The following ZNF804B variants were observed in gnomAD, a reference collection of about 807,000 sequenced individuals.
The protein encoded by ZNF804B is zinc finger 804B.
Under a neutral mutation model 101.4 loss-of-function variants are expected in ZNF804B, and 80 were observed. The ratio of observed to expected loss-of-function variants is 0.79; its 90% CI spans 0.66 to 0.95. The LOEUF (loss-of-function observed/expected upper bound fraction) is 0.95, where lower values mean the gene tolerates loss of function less well. Ranked by LOEUF, ZNF804B falls within the 40% of genes least tolerant of loss-of-function variation. The pLI, the probability that ZNF804B is intolerant of heterozygous loss-of-function variation, is 0.00. For missense variants in ZNF804B, 1,673 were observed against 1,561.9 expected (o/e 1.07, Z -1.20); for synonymous variants, 622 against 558.8 (o/e 1.11, Z -1.59).
At chr7:88,929,177 T>G (rs1184034401) in intron 1 of ZNF804B, among the ~76,000 whole-genome samples, 1 of 151,878 alleles carries the variant, frequency 6.6e-6, no homozygotes, top group Non-Finnish European at 1.5e-5. Flanking sequence ...CCTGTGGCCA[T>G]CAATAGAAAT....
rs146377289 is a variant in ZNF804B, at chr7:89,303,091, G to A, written c.250-24253G>A. The stretch of plus-strand genomic sequence containing the variant: ...ATCAAAACTGGCTTTACATATGAGT[G>A]TGTCTCATACATTTGGAAAAAGCCA... On this transcript the variant is annotated intron_variant, in intron 2 of 3. Coordinates refer to ENST00000333190, the MANE Select transcript of ZNF804B (RefSeq NM_181646.5). Among the ~76,000 whole-genome samples the A allele has an allele frequency of 3.7e-4, 56 of 151,946 alleles. 1 individual carries two copies. The East Asian group carries it at 0.01, about 28-fold the overall frequency.
chr7:89,233,227 A>C (rs1789226681), intron 2 of ZNF804B, among the ~76,000 whole-genome samples: 1 of 152,082 alleles, frequency 6.6e-6, no homozygotes, highest in Admixed American at 6.5e-5. Flanking sequence ...TGCCTGGCCA[A>C]TTTATTCTTT....
chr7:88,878,979 TCAGCGTCACAGACCACTCTGC>T (rs1051028457), intron 1 of ZNF804B, among the ~76,000 whole-genome samples: 3 of 152,144 alleles, frequency 2.0e-5, no homozygotes, highest in African/African-American at 7.2e-5. Context: ...CTTCAGTACA[TCAGCGTCACAGACCACTCTGC>T]CAGGCAATAT....
At chr7:88,929,916 G>A (rs753251759) in intron 1 of ZNF804B, among the ~76,000 whole-genome samples, 6 of 151,748 alleles carry the variant, frequency 4.0e-5, no homozygotes, top group African/African-American at 1.4e-4. Context: ...AGTTTTTAAC[G>A]ACTAAGCATT....
intron 1 of ZNF804B, among the ~76,000 whole-genome samples, chr7:88,771,853 G>A (rs1237878832): frequency 6.6e-6 from 1 of 152,056 alleles, no homozygotes; most frequent in South Asian, 2.1e-4. Flanking sequence ...TACTTGAGAG[G>A]AGATATGAAT....
chr7:88,771,102 G>A (rs1055507061), intron 1 of ZNF804B, among the ~76,000 whole-genome samples: 7 of 151,936 alleles, frequency 4.6e-5, no homozygotes, highest in Admixed American at 1.3e-4. Context: ...ATGTTTCCCT[G>A]TCATACCATC....
chr7:89,115,524 A>G (rs972178107), intron 1 of ZNF804B, among the ~76,000 whole-genome samples: 1 of 152,194 alleles, frequency 6.6e-6, no homozygotes, highest in African/African-American at 2.4e-5. Context: ...AGAGTAAGAC[A>G]TCTTGAGCCC....
intron 2 of ZNF804B, among the ~76,000 whole-genome samples, chr7:89,268,547 G>A (rs1272327553): frequency 6.6e-6 from 1 of 151,126 alleles, no homozygotes; most frequent in Non-Finnish European, 1.5e-5. Context: ...AGGCAGCAAG[G>A]CACAAAGCTA....
chr7:89,212,592 A>T (rs551615976), intron 1 of ZNF804B, among the ~76,000 whole-genome samples: 1 of 152,106 alleles, frequency 6.6e-6, no homozygotes, highest in Non-Finnish European at 1.5e-5. Flanking sequence ...TCAGGTTAAG[A>T]CCCATGAAAA....
rs779434791 is a variant in ZNF804B at position 89,094,326 on chromosome 7, A to ATG, written c.109-123819_109-123818dup. Among the ~76,000 whole-genome samples the ATG allele has an allele frequency of 1.6e-4, 24 of 152,110 alleles. No homozygotes were observed. The South Asian group carries it at 2.9e-3, about 18-fold the overall frequency. Reference sequence around the variant, plus strand: ...TTTCAAATGTTTATTTAACCTCTGTATGTGTGTGTGTATATATACATTTAC... The same window carrying ATG: ...TTTCAAATGTTTATTTAACCTCTGTATGTGTGTGTGTGTATATATACATTTAC... On this transcript the variant is annotated intron_variant, in intron 1 of 3. Coordinates refer to ENST00000333190, the MANE Select transcript of ZNF804B (RefSeq NM_181646.5).
chr7:89,228,802 C>T (rs780382192), intron 2 of ZNF804B, among the ~76,000 whole-genome samples: 8 of 152,158 alleles, frequency 5.3e-5, no homozygotes, highest in Non-Finnish European at 1.0e-4. Context: ...TGGGACTGGG[C>T]GCTATGGAGC....
intron 1 of ZNF804B, among the ~76,000 whole-genome samples, chr7:88,990,038 C>G (rs1327401287): frequency 1.3e-5 from 2 of 151,876 alleles, no homozygotes; most frequent in Non-Finnish European, 2.9e-5. Flanking sequence ...TATAAATCAC[C>G]TATTGTGGTT....
At position 89,336,850 on chromosome 7, in the gene ZNF804B, G is replaced by A. The variant is rs552835309; in HGVS notation, c.3868G>A (p.Ala1290Thr). ...HITLQPLPPT[A>T]FIPTLFGPHL... Reference sequence around the variant, plus strand: ...AACACTTCAGCCTCTGCCCCCTACAGCATTTATTCCTACATTGTTTGGTCC... The same window carrying A: ...AACACTTCAGCCTCTGCCCCCTACAACATTTATTCCTACATTGTTTGGTCC... Residue 1290 changes from alanine (A) to threonine (T), a missense_variant, in exon 4 of 4, where the codon GCA becomes ACA. By Grantham distance (58) the Ala-to-Thr change is moderately conservative (BLOSUM62 0). Transcript: ENST00000333190. 6.2e-7 allele frequency: 1 copy of A among 1,613,990 alleles called. No individual in the cohort carries two copies. The highest frequency in any genetic ancestry group is 2.2e-5 in the East Asian group (1 of 44,870).
At position 89,229,509 on chromosome 7, in the gene ZNF804B, A is replaced by G. The variant is rs142774600; in HGVS notation, c.249+11214A>G. 4.7e-3 allele frequency among the ~76,000 whole-genome samples: 711 copies of G among 152,332 alleles called. 13 individuals are homozygous for G. The highest frequency in any genetic ancestry group is 0.016 in the African/African-American group (670 of 41,568). On this transcript the variant is annotated intron_variant, in intron 2 of 3. Coordinates refer to ENST00000333190, the MANE Select transcript of ZNF804B (RefSeq NM_181646.5). The stretch of plus-strand genomic sequence containing the variant: ...ATAAAGGAATTATGTCTCCAAGAAG[A>G]CATAATCTTTTATGTGTATGTATTC...
At chr7:88,852,051 G>C (rs2115830453) in intron 1 of ZNF804B, among the ~76,000 whole-genome samples, 1 of 152,182 alleles carries the variant, frequency 6.6e-6, no homozygotes, top group South Asian at 2.1e-4. Flanking sequence ...TGTCATGGTA[G>C]ATACCATGGA....
Position 88,793,422 on chromosome 7 carries a change from A to G in ZNF804B, c.108+33338A>G, listed in dbSNP as rs540070619. On this transcript the variant is annotated intron_variant, in intron 1 of 3. Coordinates refer to ENST00000333190, the MANE Select transcript of ZNF804B (RefSeq NM_181646.5). Reference sequence around the variant, plus strand: ...TCCTCAGTGCCTGGCAAATGTTTGTAACATAGAGGGATGTTCAATAAATGA... The same window carrying G: ...TCCTCAGTGCCTGGCAAATGTTTGTGACATAGAGGGATGTTCAATAAATGA... Among the ~76,000 whole-genome samples the G allele has an allele frequency of 3.3e-5, 5 of 152,228 alleles. No individual in the cohort carries two copies. In the South Asian group the frequency reaches 1.0e-3, roughly 32 times the overall value.
At chr7:89,057,654 G>A (rs1367366832) in intron 1 of ZNF804B, among the ~76,000 whole-genome samples, 1 of 152,100 alleles carries the variant, frequency 6.6e-6, no homozygotes, top group Non-Finnish European at 1.5e-5. Flanking sequence ...GAGGGATGAA[G>A]AGAGGTGAGG....
At chr7:88,929,977 A>G (rs1279186114) in intron 1 of ZNF804B, among the ~76,000 whole-genome samples, 1 of 151,940 alleles carries the variant, frequency 6.6e-6, no homozygotes, top group African/African-American at 2.4e-5. Context: ...GATTGTTTTT[A>G]AAGAAAGGTG....
At chr7:89,329,532 C>A (rs1208994009) in intron 3 of ZNF804B, among the ~76,000 whole-genome samples, 1 of 151,438 alleles carries the variant, frequency 6.6e-6, no homozygotes, top group Non-Finnish European at 1.5e-5. Flanking sequence ...CTTCTGTGAC[C>A]CTTTGGGAGA....
Sources: allele counts gnomAD v4.1 joint callset (sites outside exome capture counted in the v4.1 genomes callset), GRCh38; gene constraint gnomAD v4.1.1; transcripts MANE v1.5; gene names NCBI Gene and HGNC (gene_info 2026-07-23, HGNC 2026-07-21).